The following MAGI2 variants were observed in gnomAD, a reference collection of about 807,000 sequenced individuals.
MAGI2 encodes the protein membrane-associated guanylate kinase, WW and PDZ domain-containing protein 2.
Under a neutral mutation model 133.3 loss-of-function variants are expected in MAGI2, and 35 were observed. That is an observed-to-expected ratio of 0.26 (90% confidence interval 0.20 to 0.35). The LOEUF (loss-of-function observed/expected upper bound fraction) is 0.35, where lower values mean the gene tolerates loss of function less well. Among genes scored for constraint, MAGI2 ranks in the 10% least tolerant of loss-of-function variants. The probability of loss-of-function intolerance (pLI) is 1.00; values close to 1 mark genes in which losing one functional copy is unlikely to be tolerated. For missense variants in MAGI2, 1,636 were observed against 1,863.4 expected, an observed-to-expected ratio of 0.88 and a Z score of 2.25; for synonymous variants, 729 against 710.6, an observed-to-expected ratio of 1.03 and a Z score of -0.41.
intron 2 of MAGI2, among the ~76,000 whole-genome samples, chr7:78,703,833 A>AC (rs1554534804): frequency 0.11 from 3,426 of 31,240 alleles, 133 homozygotes; most frequent in African/African-American, 0.2. Context: ...TACACACACA[A>AC]ACACACACAC....
rs75351282 is a variant in MAGI2, at chr7:78,196,746, A to C, written c.2080-1683T>G. 6.6e-3 allele frequency among the ~76,000 whole-genome samples: 1,009 copies of C among 152,350 alleles called. 50 individuals carry two copies. In the South Asian group the frequency reaches 0.096, roughly 14 times the overall value. On this transcript the variant is annotated intron_variant, in intron 11 of 21. Transcript: ENST00000354212. ...CAGCAAACTGGAAAAGAAATGGGTC[A>C]CTGACCCTTCCTTCAATAAGACTGG...
chr7:78,986,878 C>A (rs1298613039), intron 2 of MAGI2, among the ~76,000 whole-genome samples: 2 of 151,936 alleles, frequency 1.3e-5, no homozygotes, highest in Non-Finnish European at 2.9e-5. Flanking sequence ...CTCTCTTATA[C>A]CATTTTCTGC....
At chr7:78,231,653 G>C (rs572047980) in intron 10 of MAGI2, among the ~76,000 whole-genome samples, 2 of 152,102 alleles carry the variant, frequency 1.3e-5, no homozygotes, top group African/African-American at 4.8e-5. Flanking sequence ...CCTTCCTCAA[G>C]TTTGCTAACA....
intron 1 of MAGI2, among the ~76,000 whole-genome samples, chr7:79,259,212 G>A (rs1833908162): frequency 6.6e-6 from 1 of 152,160 alleles, no homozygotes; most frequent in Admixed American, 6.5e-5. Context: ...TTAAACTTCT[G>A]TCCCTTAGAG....
At chr7:78,820,244 A>T (rs1789974046) in intron 2 of MAGI2, among the ~76,000 whole-genome samples, 1 of 151,950 alleles carries the variant, frequency 6.6e-6, no homozygotes, top group Admixed American at 6.6e-5. Flanking sequence ...AAAATAGGAG[A>T]TTCATTCAAG....
chr7:79,134,890 C>T (rs2129545604), intron 1 of MAGI2, among the ~76,000 whole-genome samples: 1 of 152,274 alleles, frequency 6.6e-6, no homozygotes, highest in African/African-American at 2.4e-5. Flanking sequence ...ATATGATTCC[C>T]TGTTTGTGTA....
chr7:79,136,003 G>GGGAAAGAAAGAAAGAAAGAA (rs1554375908), intron 1 of MAGI2, among the ~76,000 whole-genome samples: 1 of 40,890 alleles, frequency 2.4e-5, no homozygotes. Context: ...AAGAAAGAAA[G>GGGAAAGAAAGAAAGAAAGAA]AGAAAGAAAG....
chr7:78,932,635 A>G (rs1043149447), intron 2 of MAGI2, among the ~76,000 whole-genome samples: 3 of 152,172 alleles, frequency 2.0e-5, no homozygotes, highest in Non-Finnish European at 4.4e-5. Context: ...AAGCAAAGAT[A>G]GGTCACAATG....
At position 78,905,639 on chromosome 7, in the gene MAGI2, A is replaced by G. The variant is rs529973804; in HGVS notation, c.418+101451T>C. ...AGATGTCAGGCTGATTGTAGAGAGC[A>G]GAGACAGCTGGAATGCTGTCTTTGC... On this transcript the variant is annotated intron_variant, in intron 2 of 21. Transcript: ENST00000354212. Among the ~76,000 whole-genome samples the G allele has an allele frequency of 2.5e-3, 378 of 152,308 alleles. 1 individual carries two copies. Among genetic ancestry groups the G allele is most frequent in the African/African-American group, 8.6e-3 (357 of 41,578 alleles).
chr7:78,301,761 A>G (rs554930471), intron 9 of MAGI2, among the ~76,000 whole-genome samples: 203 of 152,292 alleles, frequency 1.3e-3, no homozygotes, highest in Non-Finnish European at 2.2e-3. Flanking sequence ...ACATTCAAAA[A>G]TTGCAATTCA....
intron 1 of MAGI2, among the ~76,000 whole-genome samples, chr7:79,207,082 G>A (rs1829119168): frequency 6.6e-6 from 1 of 151,684 alleles, no homozygotes; most frequent in African/African-American, 2.4e-5. Flanking sequence ...ACACAATAAG[G>A]GCCATACATG....
intron 5 of MAGI2, among the ~76,000 whole-genome samples, chr7:78,496,659 G>C (rs1295769237): frequency 6.6e-6 from 1 of 152,192 alleles, no homozygotes; most frequent in African/African-American, 2.4e-5. Flanking sequence ...GAGTGAAAGA[G>C]CTCTGTGACC....
At chr7:78,121,000 C>CAAAAA (rs67572219) in intron 20 of MAGI2, among the ~76,000 whole-genome samples, 1,296 of 74,396 alleles carry the variant, frequency 0.017, 62 homozygotes, top group South Asian at 0.033. Context: ...GACTCCGTCT[C>CAAAAA]AAAAAAAAAA....
intron 1 of MAGI2, among the ~76,000 whole-genome samples, chr7:79,039,387 G>A (rs1005505781): frequency 3.3e-5 from 5 of 151,970 alleles, no homozygotes; most frequent in African/African-American, 4.8e-5. Flanking sequence ...AGCAGCATGA[G>A]AATAGGCTAA....
intron 3 of MAGI2, among the ~76,000 whole-genome samples, chr7:78,544,279 G>A (rs1405781228): frequency 6.6e-6 from 1 of 152,184 alleles, no homozygotes; most frequent in Non-Finnish European, 1.5e-5. Context: ...AGGTATCTGT[G>A]TCAGGAACAC....
At chr7:79,262,510 G>T (rs996885549) in intron 1 of MAGI2, among the ~76,000 whole-genome samples, 1 of 152,104 alleles carries the variant, frequency 6.6e-6, no homozygotes, top group African/African-American at 2.4e-5. Context: ...AGCTAATAAG[G>T]ACTAACAGTT....
intron 3 of MAGI2, among the ~76,000 whole-genome samples, chr7:78,545,212 C>CTTTT (rs71085537): frequency 3.6e-5 from 3 of 83,128 alleles, no homozygotes; most frequent in Admixed American, 1.5e-4. Flanking sequence ...TAACCTGATT[C>CTTTT]TTTTTTTTTT....
intron 2 of MAGI2, among the ~76,000 whole-genome samples, chr7:78,737,128 A>C (rs980632708): frequency 1.3e-5 from 2 of 152,226 alleles, no homozygotes; most frequent in African/African-American, 4.8e-5. Flanking sequence ...TGTTACCAAT[A>C]AAATTTGAGC....
chr7:78,969,816 C>T (rs116850716), intron 2 of MAGI2, among the ~76,000 whole-genome samples: 4,463 of 152,038 alleles, frequency 0.029, 98 homozygotes, highest in Non-Finnish European at 0.041. Context: ...ATCATAGTAA[C>T]GGTGATAATG....
Sources: gnomAD v4.1 joint callset for allele counts (sites outside exome capture counted in the v4.1 genomes callset) on GRCh38, gnomAD v4.1.1 for gene constraint, MANE v1.5 for transcripts, NCBI Gene and HGNC (gene_info 2026-07-23, HGNC 2026-07-21) for gene names.